Variants in JMY observed in about 807,000 individuals in gnomAD.
JMY encodes the protein junction-mediating and -regulatory protein.
In JMY, 46 loss-of-function variants were observed where a neutral mutation model predicts 103.3. The observed-to-expected ratio is 0.45, with a 90% CI of 0.35 to 0.57. The LOEUF is 0.57. Ranked by LOEUF, JMY falls within the 20% of genes least tolerant of loss-of-function variation. The pLI, the probability that JMY is intolerant of heterozygous loss-of-function variation, is 0.00. For missense variants in JMY, 1,238 were observed against 1,255.2 expected, an observed-to-expected ratio of 0.99 and a Z score of 0.21; for synonymous variants, 526 against 489.3, an observed-to-expected ratio of 1.07 and a Z score of -0.99.
intron 10 of JMY, among the ~76,000 whole-genome samples, chr5:79,318,727 A>G (rs1393108199): frequency 1.3e-5 from 2 of 148,744 alleles, no homozygotes; most frequent in Non-Finnish European, 3.0e-5. Context: ...TATGTCCACT[A>G]TGCTTTGTAA....
At position 79,325,536 on chromosome 5, in the gene JMY, A is replaced by G. The variant is rs1211812286; in HGVS notation, c.*3934A>G. On this transcript the variant is annotated 3_prime_UTR_variant, in exon 11 of 11. Coordinates refer to ENST00000396137, the MANE Select transcript of JMY (RefSeq NM_152405.5). ...AGATTCTATTTCCCACTTACTGCTT[A>G]GCATAGAAAAAGAGCTATGGTTAGA... The G allele has an allele frequency of 3.3e-5, 5 of 152,188 alleles. No individual in the cohort carries two copies. The highest frequency in any genetic ancestry group is 7.2e-5 in the African/African-American group (3 of 41,456). The allele number at this position is 152,188 out of a possible 1,614,324, so 9.4% of individuals were successfully genotyped here.
At chr5:79,239,809 CAA>C (rs572504314) in intron 1 of JMY, among the ~76,000 whole-genome samples, 2 of 110,160 alleles carry the variant, frequency 1.8e-5, no homozygotes, top group Non-Finnish European at 1.9e-5. Context: ...GACTCCGTCT[CAA>C]AAAAAAAAAA....
At position 79,316,278 on chromosome 5, in the gene JMY, G is replaced by A. The variant is rs369808474; in HGVS notation, c.2938G>A (p.Ala980Thr). ...CCCAGAGTCAGAGGACGAAGAGGAG[G>A]CTTTACCTTGCACAGACTGGGAGAA... ...ASPESEDEEE[A>T]LPCTDWEN Residue 980 changes from alanine to threonine, a missense_variant, in exon 10 of 11, where the codon GCT becomes ACT. Ala to Thr is a moderately conservative substitution (Grantham distance 58). Transcript: ENST00000396137. 1.2e-6 allele frequency: 2 copies of A among 1,612,250 alleles called. No individual in the cohort carries two copies. The highest frequency in any genetic ancestry group is 2.7e-5 in the African/African-American group (2 of 74,880).
At chr5:79,300,441 TG>T (rs569714925) in intron 5 of JMY, 123 bp downstream of exon 5, 36 of 951,492 alleles carry the variant, frequency 3.8e-5, no homozygotes, top group South Asian at 3.9e-5. Context: ...GGATAGAGTG[TG>T]GGGGGGTGAT....
intron 2 of JMY, 81 bp downstream of exon 2, chr5:79,278,164 G>A (rs1746000449): frequency 2.8e-5 from 26 of 943,132 alleles, no homozygotes; most frequent in Admixed American, 1.2e-4. Flanking sequence ...TCCACAAGAG[G>A]AACTTTAAAA....
intron 4 of JMY, among the ~76,000 whole-genome samples, chr5:79,292,717 C>A (rs1746458554): frequency 1.3e-5 from 2 of 152,086 alleles, no homozygotes; most frequent in African/African-American, 2.4e-5. Flanking sequence ...AGATTTCTGA[C>A]TACTCTTACT....
intron 1 of JMY, among the ~76,000 whole-genome samples, chr5:79,256,560 T>A (rs1406053993): frequency 6.6e-6 from 1 of 152,158 alleles, no homozygotes; most frequent in Non-Finnish European, 1.5e-5. Flanking sequence ...CTCTGTCCTA[T>A]TCCCCTTAGC....
chr5:79,238,341 G>A (rs1375084592), intron 1 of JMY, among the ~76,000 whole-genome samples: 1 of 151,858 alleles, frequency 6.6e-6, no homozygotes, highest in Non-Finnish European at 1.5e-5. Flanking sequence ...AGGAATGTTC[G>A]TTGTATTTTT....
chr5:79,297,745 G>C (rs1200885106), intron 4 of JMY, among the ~76,000 whole-genome samples: 1 of 152,116 alleles, frequency 6.6e-6, no homozygotes, highest in Non-Finnish European at 1.5e-5. Flanking sequence ...GGATTTAACA[G>C]ACTCCTTCAC....
chr5:79,264,893 A>G (rs1220084608), intron 1 of JMY, among the ~76,000 whole-genome samples: 1 of 152,120 alleles, frequency 6.6e-6, no homozygotes, highest in Non-Finnish European at 1.5e-5. Flanking sequence ...AAAGAGTGGG[A>G]AAAGTTATTT....
chr5:79,260,982 A>T (rs1745403949), intron 1 of JMY, among the ~76,000 whole-genome samples: 1 of 152,110 alleles, frequency 6.6e-6, no homozygotes, highest in Non-Finnish European at 1.5e-5. Flanking sequence ...TCCCTTTCAC[A>T]GTAATTATTT....
rs1201629964 is a variant in JMY at position 79,236,378 on chromosome 5, C to T, written c.-273C>T. 1.0e-5 allele frequency: 3 copies of T among 290,038 alleles called. No homozygotes were observed. Among genetic ancestry groups the T allele is most frequent in the African/African-American group, 6.6e-5 (3 of 45,758 alleles). The allele number at this position is 290,038 out of a possible 1,614,324, so 18.0% of individuals were successfully genotyped here. On this transcript the variant is annotated 5_prime_UTR_variant, in exon 1 of 11. Transcript: ENST00000396137. ...GGCGGGCGGCCGCGAGGCGCTGCGGCAGCGCGGAGCTTGTAAACAGATCCG... is the reference window on the plus strand; with the variant it reads ...GGCGGGCGGCCGCGAGGCGCTGCGGTAGCGCGGAGCTTGTAAACAGATCCG...
chr5:79,283,945 A>G (rs1469458286), intron 2 of JMY, among the ~76,000 whole-genome samples: 1 of 152,234 alleles, frequency 6.6e-6, no homozygotes, highest in Non-Finnish European at 1.5e-5. Context: ...TCAGTTAGAA[A>G]CAGCATTAAA....
chr5:79,255,084 G>C (rs967824450), intron 1 of JMY, among the ~76,000 whole-genome samples: 2 of 148,922 alleles, frequency 1.3e-5, no homozygotes, highest in Non-Finnish European at 3.0e-5. Context: ...CCCCAAAAAA[G>C]CTACTTTGAA....
rs929770384 is a variant in JMY at position 79,270,620 on chromosome 5, A to T, written c.1033-7290A>T. The stretch of plus-strand genomic sequence containing the variant: ...AATGTATATTTACATAAATGTTTAT[A>T]TAAAATATATTTACATAAATATTTA... On this transcript the variant is annotated intron_variant, in intron 1 of 10. Coordinates refer to ENST00000396137, the MANE Select transcript of JMY (RefSeq NM_152405.5). Among the ~76,000 whole-genome samples the T allele has an allele frequency of 6.7e-3, 900 of 135,226 alleles. 39 individuals are homozygous for T. The highest frequency in any genetic ancestry group is 0.014 in the South Asian group (59 of 4,312). 88.7% of individuals were successfully genotyped at this position (135,226 alleles called of 152,430 possible).
Position 79,300,777 on chromosome 5 carries a change from C to G in JMY, c.1795C>G (p.Leu599Val), listed in dbSNP as rs966589599. ...ATCTGCGTACTTACAGAGAGAAGAG[C>G]TGCAGAAACTTCAGCAGAAAGCACG... is the stretch of plus-strand genomic sequence containing the variant. ...AASAYLQREE[L>V]QKLQQKARQL... The change falls in exon 6 of 11, where the codon CTG becomes GTG. Residue 599 changes from leucine to valine, a missense_variant. Leu to Val is a conservative substitution (Grantham distance 32). Coordinates refer to ENST00000396137, the MANE Select transcript of JMY (RefSeq NM_152405.5). 14 of 1,612,340 alleles carry G rather than the reference C, an allele frequency of 8.7e-6. No individual in the cohort carries two copies. The highest frequency in any genetic ancestry group is 1.2e-5 in the Non-Finnish European group (14 of 1,179,424).
intron 1 of JMY, among the ~76,000 whole-genome samples, chr5:79,272,676 C>A: frequency 6.6e-6 from 1 of 152,150 alleles, no homozygotes; most frequent in African/African-American, 2.4e-5. Flanking sequence ...TTCTTTCTCC[C>A]AGGTTAGAGT....
At chr5:79,301,839 C>T (rs1175496464) in intron 6 of JMY, among the ~76,000 whole-genome samples, 1 of 152,152 alleles carries the variant, frequency 6.6e-6, no homozygotes, top group Non-Finnish European at 1.5e-5. Flanking sequence ...GTAATCCCAG[C>T]ACTTTGGGAG....
intron 1 of JMY, among the ~76,000 whole-genome samples, chr5:79,259,259 A>G (rs1466415996): frequency 1.3e-5 from 2 of 152,158 alleles, no homozygotes; most frequent in Non-Finnish European, 2.9e-5. Context: ...AGCCCTCAGC[A>G]GAGAGGAGAC....
Sources: gnomAD v4.1 joint callset for allele counts (sites outside exome capture counted in the v4.1 genomes callset) on GRCh38, gnomAD v4.1.1 for gene constraint, MANE v1.5 for transcripts, NCBI Gene and HGNC (gene_info 2026-07-23, HGNC 2026-07-21) for gene names.